The following SLCO1B3 variants were observed in gnomAD, a reference collection of about 807,000 sequenced individuals.
SLCO1B3 encodes the protein liver-specific organic anion transporter 2.
A neutral mutation model predicts 71.8 loss-of-function variants in SLCO1B3; 72 were observed. The observed-to-expected ratio is 1.00, with a 90% CI of 0.83 to 1.22. The LOEUF (loss-of-function observed/expected upper bound fraction) is 1.22, where lower values mean the gene tolerates loss of function less well. Ranked by LOEUF, SLCO1B3 falls within the 50% of genes most tolerant of loss-of-function variation. The probability of loss-of-function intolerance (pLI) is 0.00; values close to 1 mark genes in which losing one functional copy is unlikely to be tolerated. For synonymous variants in SLCO1B3, 298 were observed against 278.4 expected, an observed-to-expected ratio of 1.07 and a Z score of -0.70; for missense variants, 911 against 819.7, an observed-to-expected ratio of 1.11 and a Z score of -1.36.
chr12:20,908,905 A>G (rs1420446441), intron 15 of SLCO1B3, among the ~76,000 whole-genome samples: 2 of 152,200 alleles, frequency 1.3e-5, no homozygotes, highest in African/African-American at 4.8e-5. Flanking sequence ...GTCAACACCA[A>G]AGTGCAATTA....
At chr12:20,859,144 C>T (rs1043363995) in intron 5 of SLCO1B3, among the ~76,000 whole-genome samples, 1 of 152,112 alleles carries the variant, frequency 6.6e-6, no homozygotes, top group Non-Finnish European at 1.5e-5. Context: ...CCTCTTGTTA[C>T]AAATTGTGGC....
At chr12:20,915,480 T>A (rs1211289202) in intron 15 of SLCO1B3, among the ~76,000 whole-genome samples, 4 of 152,228 alleles carry the variant, frequency 2.6e-5, no homozygotes, top group Admixed American at 2.6e-4. Flanking sequence ...TAAGTCTTAT[T>A]CTTTTCAGAC....
intron 4 of SLCO1B3, 37 bp downstream of exon 4, chr12:20,855,206 C>G: frequency 6.4e-7 from 1 of 1,553,366 alleles, no homozygotes; most frequent in Non-Finnish European, 8.8e-7. Context: ...ACCATACTTG[C>G]ATAAGTTGAA....
At chr12:20,895,458 T>C (rs1003067698) in intron 13 of SLCO1B3, among the ~76,000 whole-genome samples, 4 of 152,180 alleles carry the variant, frequency 2.6e-5, no homozygotes, top group South Asian at 2.1e-4. Context: ...ACAGGCCTTA[T>C]GCAAGTTTGA....
At chr12:20,874,577 G>T (rs181543390) in intron 8 of SLCO1B3, among the ~76,000 whole-genome samples, 61 of 152,222 alleles carry the variant, frequency 4.0e-4, no homozygotes, top group Non-Finnish European at 6.2e-4. Flanking sequence ...TGACATTTGA[G>T]ATATAGCATT....
At position 20,880,836 on chromosome 12, in the gene SLCO1B3, T is replaced by G. The variant is rs756492040; in HGVS notation, c.1332-19T>G. ...TCCTCTTTCTCTTTTTTTGATATAT[T>G]TCTATCATATATTTTCAGAAATAAT... On this transcript the variant is annotated intron_variant, in intron 11 of 15. Transcript: ENST00000381545. 2 of 1,542,862 alleles carry G rather than the reference T, an allele frequency of 1.3e-6. No individual in the cohort carries two copies. Among genetic ancestry groups the G allele is most frequent in the Non-Finnish European group, 1.8e-6 (2 of 1,126,442 alleles).
intron 4 of SLCO1B3, among the ~76,000 whole-genome samples, chr12:20,857,851 T>G (rs1865172677): frequency 6.6e-6 from 1 of 152,112 alleles, no homozygotes; most frequent in Non-Finnish European, 1.5e-5. Flanking sequence ...TCTTCCATGT[T>G]TTAATCTAAA....
At chr12:20,849,528 G>T (rs1320618300) in intron 3 of SLCO1B3, among the ~76,000 whole-genome samples, 1 of 151,976 alleles carries the variant, frequency 6.6e-6, no homozygotes, top group African/African-American at 2.4e-5. Context: ...TGCTATTCAA[G>T]ATTGTTCTAG....
Position 20,907,381 on chromosome 12 carries a change from C to T in SLCO1B3, c.1865+5914C>T, listed in dbSNP as rs551177832. ...AAATCTTTCCCTAAATGGGAGATTTCTTTCCTCCCTCCCTCCCCTTCCTTC... is the reference window on the plus strand; with the variant it reads ...AAATCTTTCCCTAAATGGGAGATTTTTTTCCTCCCTCCCTCCCCTTCCTTC... On this transcript the variant is annotated intron_variant, in intron 15 of 15. Transcript: ENST00000381545. Among the ~76,000 whole-genome samples, 3 of 151,566 alleles carry T rather than the reference C, an allele frequency of 2.0e-5. No individual in the cohort carries two copies. The South Asian group carries it at 6.3e-4, about 32-fold the overall frequency.
intron 13 of SLCO1B3, among the ~76,000 whole-genome samples, chr12:20,885,201 A>C (rs968296610): frequency 1.3e-5 from 2 of 152,166 alleles, no homozygotes; most frequent in African/African-American, 2.4e-5. Context: ...TTTCCTTTGA[A>C]GAAAAGTTTT....
At chr12:20,817,869 T>C (rs1202392494) in intron 3 of SLCO1B3, among the ~76,000 whole-genome samples, 7 of 152,066 alleles carry the variant, frequency 4.6e-5, no homozygotes, top group African/African-American at 1.7e-4. Context: ...GGATTACAGC[T>C]TGAGCCACCG....
At chr12:20,815,447 A>T (rs1024304088) in intron 2 of SLCO1B3, among the ~76,000 whole-genome samples, 1 of 152,096 alleles carries the variant, frequency 6.6e-6, no homozygotes, top group South Asian at 2.1e-4. Context: ...ATTTCTCTCT[A>T]TGAAAATTAT....
intron 3 of SLCO1B3, among the ~76,000 whole-genome samples, chr12:20,828,983 G>GAAAAAATTTTTT (rs1405703060): frequency 6.8e-6 from 1 of 147,540 alleles, no homozygotes; most frequent in Admixed American, 6.8e-5. Context: ...CCTTTTGCTG[G>GAAAAAATTTTTT]TTGTTTTTTA....
intron 4 of SLCO1B3, among the ~76,000 whole-genome samples, chr12:20,856,006 A>G (rs1865127395): frequency 6.6e-6 from 1 of 152,122 alleles, no homozygotes; most frequent in African/African-American, 2.4e-5. Flanking sequence ...GTAATTGTCA[A>G]AGGAAGATTT....
intron 6 of SLCO1B3, 124 bp from the exon 7 acceptor site, chr12:20,862,288 G>T (rs1865281971): frequency 8.9e-7 from 1 of 1,124,722 alleles, no homozygotes; most frequent in South Asian, 1.6e-5. Flanking sequence ...AAGTGAATAT[G>T]AATCACTTGT....
intron 3 of SLCO1B3, among the ~76,000 whole-genome samples, chr12:20,817,482 G>A (rs1205553707): frequency 6.6e-6 from 1 of 152,176 alleles, no homozygotes; most frequent in African/African-American, 2.4e-5. Flanking sequence ...TCAAGAATAA[G>A]CTCACTGTAG....
chr12:20,863,502 G>C (rs970849333), intron 8 of SLCO1B3, among the ~76,000 whole-genome samples: 2 of 152,120 alleles, frequency 1.3e-5, no homozygotes, highest in African/African-American at 2.4e-5. Flanking sequence ...CCTTCCTACA[G>C]ATATACCTTC....
intron 5 of SLCO1B3, among the ~76,000 whole-genome samples, chr12:20,860,599 T>TTGTGTGTGTG (rs34409706): frequency 6.1e-4 from 89 of 146,730 alleles, no homozygotes; most frequent in African/African-American, 2.1e-3. Context: ...GTCAAGCACT[T>TTGTGTGTGTG]TGTGTGTGTG....
intron 3 of SLCO1B3, among the ~76,000 whole-genome samples, chr12:20,842,315 CAA>C (rs2121176229): frequency 1.3e-5 from 2 of 152,238 alleles, no homozygotes; most frequent in East Asian, 3.9e-4. Flanking sequence ...AATTGAGAAA[CAA>C]AGATATGTTG....
Sources: allele counts gnomAD v4.1 joint callset (sites outside exome capture counted in the v4.1 genomes callset), GRCh38; gene constraint gnomAD v4.1.1; transcripts MANE v1.5; gene names NCBI Gene and HGNC (gene_info 2026-07-23, HGNC 2026-07-21).